The following ROR2 variants were observed in gnomAD, a reference collection of about 807,000 sequenced individuals.
The protein encoded by ROR2 is tyrosine-protein kinase transmembrane receptor ROR2.
Under a neutral mutation model 74.9 loss-of-function variants are expected in ROR2, and 33 were observed. The ratio of observed to expected loss-of-function variants is 0.44; its 90% CI spans 0.33 to 0.59. ROR2 has a LOEUF of 0.59. ROR2 is among the 20% of genes least tolerant of loss of function. ROR2 has a pLI of 0.02. For synonymous variants in ROR2, 586 were observed against 558.7 expected, an observed-to-expected ratio of 1.05 and a Z score of -0.69; for missense variants, 1,216 against 1,313.8, an observed-to-expected ratio of 0.93 and a Z score of 1.15.
chr9:91,880,960 T>C (rs1830091308), intron 1 of ROR2, among the ~76,000 whole-genome samples: 1 of 152,200 alleles, frequency 6.6e-6, no homozygotes, highest in Non-Finnish European at 1.5e-5. Flanking sequence ...AATTTTGTGA[T>C]TTTCATGATG....
At chr9:91,858,369 G>A (rs568561525) in intron 1 of ROR2, among the ~76,000 whole-genome samples, 2 of 152,164 alleles carry the variant, frequency 1.3e-5, no homozygotes, top group East Asian at 3.9e-4. Flanking sequence ...ACACACGAAC[G>A]CACAAACACA....
intron 1 of ROR2, among the ~76,000 whole-genome samples, chr9:91,840,975 T>C (rs113654604): frequency 2.2e-4 from 33 of 152,356 alleles, no homozygotes; most frequent in African/African-American, 7.7e-4. Flanking sequence ...TGCAAGACTG[T>C]GTCCAACTAC....
chr9:91,928,269 T>C (rs1044665383), intron 1 of ROR2, among the ~76,000 whole-genome samples: 1 of 152,044 alleles, frequency 6.6e-6, no homozygotes, highest in East Asian at 1.9e-4. Flanking sequence ...CCCCACTGCC[T>C]TGTATTTCCC....
intron 1 of ROR2, among the ~76,000 whole-genome samples, chr9:91,900,654 G>A (rs1830655316): frequency 6.6e-6 from 1 of 152,154 alleles, no homozygotes; most frequent in Non-Finnish European, 1.5e-5. Flanking sequence ...GGGGCACGTC[G>A]GTTCCATGGA....
intron 1 of ROR2, among the ~76,000 whole-genome samples, chr9:91,836,843 G>A (rs888827191): frequency 6.6e-6 from 1 of 152,236 alleles, no homozygotes; most frequent in Non-Finnish European, 1.5e-5. Context: ...CCTCAGCCAG[G>A]TGCCAGGCAG....
chr9:91,929,487 C>T (rs188530425), intron 1 of ROR2, among the ~76,000 whole-genome samples: 17 of 152,272 alleles, frequency 1.1e-4, no homozygotes, highest in Non-Finnish European at 2.1e-4. Flanking sequence ...TCCCACACAG[C>T]CAATGTTCTA....
chr9:91,817,128 T>C (rs950549173), intron 1 of ROR2, among the ~76,000 whole-genome samples: 4 of 152,152 alleles, frequency 2.6e-5, no homozygotes, highest in African/African-American at 7.2e-5. Context: ...AGCTGACATC[T>C]GCCGTTTCAA....
intron 1 of ROR2, among the ~76,000 whole-genome samples, chr9:91,796,014 A>C (rs898667954): frequency 6.6e-6 from 1 of 152,180 alleles, no homozygotes; most frequent in Admixed American, 6.5e-5. Context: ...ACTCCCAGGC[A>C]AAGATCCCCA....
intron 1 of ROR2, among the ~76,000 whole-genome samples, chr9:91,849,834 G>C (rs1344595275): frequency 6.6e-6 from 1 of 152,178 alleles, no homozygotes; most frequent in Admixed American, 6.5e-5. Flanking sequence ...TTTTGAACAT[G>C]TTGTTTGGCC....
intron 1 of ROR2, among the ~76,000 whole-genome samples, chr9:91,839,745 T>G (rs1199255991): frequency 6.6e-6 from 1 of 151,542 alleles, no homozygotes; most frequent in African/African-American, 2.4e-5. Context: ...GGTATGTGAG[T>G]GTGGCGTGCA....
chr9:91,884,952 C>G (rs988348879), intron 1 of ROR2, among the ~76,000 whole-genome samples: 1 of 152,122 alleles, frequency 6.6e-6, no homozygotes, highest in African/African-American at 2.4e-5. Context: ...ATTGCCTTAA[C>G]TTGGTATTTT....
In ROR2 at chr9:91,777,301, T is replaced by C. The variant is rs138415701; in HGVS notation, c.98-1483A>G. Among the ~76,000 whole-genome samples the C allele has an allele frequency of 1.1e-4, 16 of 152,178 alleles. No individual in the cohort carries two copies. In the East Asian group the frequency reaches 1.5e-3, roughly 15 times the overall value. ...GCTCAGTGTTTTCAGCAGAACCCAA[T>C]AGGGTTTCTCCTAACCCGTAAAAAG... On this transcript the variant is annotated intron_variant, in intron 1 of 8. Coordinates refer to ENST00000375708, the MANE Select transcript of ROR2 (RefSeq NM_004560.4).
intron 1 of ROR2, among the ~76,000 whole-genome samples, chr9:91,784,272 G>C (rs1826721369): frequency 6.6e-6 from 1 of 152,154 alleles, no homozygotes; most frequent in Admixed American, 6.5e-5. Flanking sequence ...AATGCTGTTT[G>C]CTCTATCTGC....
chr9:91,941,620 G>A (rs56310514), intron 1 of ROR2, among the ~76,000 whole-genome samples: 2,253 of 152,208 alleles, frequency 0.015, 66 homozygotes, highest in African/African-American at 0.052. Context: ...TAGTATCCAC[G>A]ACAGCATGTT....
At chr9:91,892,054 A>AG (rs201688809) in intron 1 of ROR2, among the ~76,000 whole-genome samples, 11 of 124,640 alleles carry the variant, frequency 8.8e-5, no homozygotes, top group Admixed American at 2.3e-4. Flanking sequence ...TCTAAGAAGA[A>AG]AAAAAAAAAA....
chr9:91,856,065 C>T (rs1227670347), intron 1 of ROR2, among the ~76,000 whole-genome samples: 8 of 152,166 alleles, frequency 5.3e-5, no homozygotes, highest in Non-Finnish European at 1.0e-4. Context: ...ACGAATTGTC[C>T]TTGTAACCCA....
intron 1 of ROR2, among the ~76,000 whole-genome samples, chr9:91,846,540 G>A (rs1040819957): frequency 1.3e-4 from 20 of 152,132 alleles, no homozygotes; most frequent in Non-Finnish European, 2.5e-4. Flanking sequence ...TCGGTGCTTT[G>A]TCAGGGCATC....
At chr9:91,735,197 CAA>C (rs1230497639) in intron 5 of ROR2, among the ~76,000 whole-genome samples, 1 of 152,206 alleles carries the variant, frequency 6.6e-6, no homozygotes, top group Admixed American at 6.5e-5. Flanking sequence ...ATTCTAGGCA[CAA>C]AGAGATCCAA....
intron 1 of ROR2, among the ~76,000 whole-genome samples, chr9:91,898,208 TCCAGAGCCTTTCTAA>T (rs1830587384): frequency 6.6e-6 from 1 of 152,184 alleles, no homozygotes; most frequent in Non-Finnish European, 1.5e-5. Flanking sequence ...GAGTCTTGTG[TCCAGAGCCTTTCTAA>T]CCACTTCCAT....
Sources: allele counts gnomAD v4.1 joint callset (sites outside exome capture counted in the v4.1 genomes callset), GRCh38; gene constraint gnomAD v4.1.1; transcripts MANE v1.5; gene names NCBI Gene and HGNC (gene_info 2026-07-23, HGNC 2026-07-21).